The following FBN2 variants were observed in gnomAD, a reference collection of about 807,000 sequenced individuals.
The protein encoded by FBN2 is fibrillin-2.
Under a neutral mutation model 355.6 loss-of-function variants are expected in FBN2, and 105 were observed. The observed-to-expected ratio is 0.30, with a 90% CI of 0.25 to 0.35. The LOEUF (loss-of-function observed/expected upper bound fraction) is 0.35. FBN2 is among the 10% of genes least tolerant of loss of function. The pLI, the probability that FBN2 is intolerant of heterozygous loss-of-function variation, is 1.00. For missense variants in FBN2, 3,280 were observed against 3,758.7 expected, an observed-to-expected ratio of 0.87 and a Z score of 3.33; for synonymous variants, 1,350 against 1,301.2, an observed-to-expected ratio of 1.04 and a Z score of -0.81.
At chr5:128,350,101 A>C (rs1751307038) in intron 21 of FBN2, 96 bp from the exon 22 acceptor site, 1 of 1,074,180 alleles carries the variant, frequency 9.3e-7, no homozygotes, top group South Asian at 1.3e-5. Flanking sequence ...AATGGAACTA[A>C]ATAAAAAATG....
chr5:128,288,349 A>C (rs1271715633), intron 53 of FBN2, 89 bp downstream of exon 53: 5 of 1,461,182 alleles, frequency 3.4e-6, no homozygotes, highest in Non-Finnish European at 4.7e-6. Context: ...CACCAGCAGA[A>C]TATCAGAAGC....
intron 5 of FBN2, among the ~76,000 whole-genome samples, chr5:128,491,441 G>T (rs1329165569): frequency 1.3e-5 from 2 of 152,172 alleles, no homozygotes; most frequent in African/African-American, 4.8e-5. Flanking sequence ...ATCCTTCCTT[G>T]CAGGGTCAGA....
chr5:128,475,664 A>T (rs1353901664), intron 5 of FBN2, among the ~76,000 whole-genome samples: 1 of 152,202 alleles, frequency 6.6e-6, no homozygotes, highest in African/African-American at 2.4e-5. Flanking sequence ...AATAAAAAAG[A>T]TATACTCAAC....
At chr5:128,420,461 C>T (rs1753316863) in intron 7 of FBN2, among the ~76,000 whole-genome samples, 1 of 152,064 alleles carries the variant, frequency 6.6e-6, no homozygotes, top group African/African-American at 2.4e-5. Flanking sequence ...TCAAAGCTGG[C>T]AAGGATAGTT....
At chr5:128,279,473 G>T (rs1023429176) in intron 56 of FBN2, among the ~76,000 whole-genome samples, 3 of 151,972 alleles carry the variant, frequency 2.0e-5, no homozygotes, top group African/African-American at 7.2e-5. Flanking sequence ...GTTAGTAAAG[G>T]TATAGATTAG....
At chr5:128,528,774 A>AAAGTG (rs1260041531) in intron 3 of FBN2, among the ~76,000 whole-genome samples, 1 of 152,206 alleles carries the variant, frequency 6.6e-6, no homozygotes, top group African/African-American at 2.4e-5. Flanking sequence ...TTTAAATGAG[A>AAAGTG]AAGTGAAGTG....
chr5:128,446,350 T>C, intron 7 of FBN2, 131 bp downstream of exon 7: 1 of 994,092 alleles, frequency 1.0e-6, no homozygotes, highest in East Asian at 2.6e-5. Context: ...TACTCTAGGC[T>C]TAAACCTATG....
At chr5:128,393,604 T>C (rs1752577609) in intron 9 of FBN2, among the ~76,000 whole-genome samples, 1 of 152,260 alleles carries the variant, frequency 6.6e-6, no homozygotes, top group Admixed American at 6.5e-5. Context: ...GCATAAACAA[T>C]CATTTACATG....
At chr5:128,275,947 T>C (rs1390186253) in intron 59 of FBN2, 91 bp downstream of exon 59, 16 of 1,421,626 alleles carry the variant, frequency 1.1e-5, no homozygotes, top group Admixed American at 1.7e-5. Context: ...ATGAAGGTGA[T>C]GCACATGGCA....
intron 31 of FBN2, 151 bp downstream of exon 31, chr5:128,334,568 C>T: frequency 1.2e-6 from 1 of 864,422 alleles, no homozygotes; most frequent in Non-Finnish European, 1.9e-6. Flanking sequence ...AAATCCATCA[C>T]ACATCCTATA....
At chr5:128,307,497 T>A (rs576641369) in intron 41 of FBN2, among the ~76,000 whole-genome samples, 1 of 152,094 alleles carries the variant, frequency 6.6e-6, no homozygotes, top group African/African-American at 2.4e-5. Flanking sequence ...ATTTAAATAC[T>A]TTTTCTTTTA....
intron 44 of FBN2, 150 bp from the exon 45 acceptor site, chr5:128,305,232 T>A: frequency 1.2e-6 from 1 of 840,328 alleles, no homozygotes; most frequent in Non-Finnish European, 1.9e-6. Context: ...TGAGCAGGAC[T>A]TCAAAGTATC....
rs1447877966 is a variant in FBN2, at chr5:128,408,738, C to T, written c.1014G>A (p.Val338=). ...GTGGACAAACACAAAAATAGCTTCC[C>T]ACGGTGTTGGAACATTCACCAGTTT... The part of the protein sequence containing the change: ...ICETGECSNT[V]GSYFCVCPRG... The change falls in exon 8 of 65, where the codon GTG becomes GTA. Residue 338 remains valine, a synonymous_variant. Transcript: ENST00000262464. The T allele has an allele frequency of 6.2e-6, 10 of 1,613,814 alleles. No homozygotes were observed. Among genetic ancestry groups the T allele is most frequent in the Non-Finnish European group, 8.5e-6 (10 of 1,179,756 alleles).
At chr5:128,262,672 C>G (rs779015888) in intron 63 of FBN2, among the ~76,000 whole-genome samples, 9 of 152,114 alleles carry the variant, frequency 5.9e-5, no homozygotes, top group Non-Finnish European at 1.3e-4. Context: ...GTAGACCAAG[C>G]CTTTTGTTTT....
intron 54 of FBN2, 108 bp from the exon 55 acceptor site, chr5:128,286,957 A>C: frequency 8.8e-7 from 1 of 1,136,450 alleles, no homozygotes; most frequent in Non-Finnish European, 1.3e-6. Context: ...TTATGGTGGG[A>C]CAGAGAAAGG....
chr5:128,394,894 T>A (rs1332241408), intron 9 of FBN2, among the ~76,000 whole-genome samples: 1 of 151,152 alleles, frequency 6.6e-6, no homozygotes, highest in Non-Finnish European at 1.5e-5. Flanking sequence ...CATGTGATTC[T>A]CCCACCTCAG....
chr5:128,455,924 C>A (rs577982535), intron 6 of FBN2, among the ~76,000 whole-genome samples: 1 of 142,066 alleles, frequency 7.0e-6, no homozygotes, highest in Non-Finnish European at 1.5e-5. Flanking sequence ...GGGGTTGTGG[C>A]GACCAGCTCC....
chr5:128,447,858 C>A (rs188125914), intron 6 of FBN2, among the ~76,000 whole-genome samples: 9 of 152,318 alleles, frequency 5.9e-5, no homozygotes, highest in Admixed American at 3.3e-4. Flanking sequence ...GACTGGCCAA[C>A]ACTTAGGGAA....
At chr5:128,308,888 T>G (rs534914493) in intron 41 of FBN2, among the ~76,000 whole-genome samples, 2 of 152,344 alleles carry the variant, frequency 1.3e-5, no homozygotes, top group African/African-American at 4.8e-5. Flanking sequence ...TATTATACTT[T>G]CCATGTCTAG....
Sources: allele counts gnomAD v4.1 joint callset (sites outside exome capture counted in the v4.1 genomes callset), GRCh38; gene constraint gnomAD v4.1.1; transcripts MANE v1.5; gene names NCBI Gene and HGNC (gene_info 2026-07-23, HGNC 2026-07-21).